Variants in SMIM36 observed in about 807,000 individuals in gnomAD.
The protein encoded by SMIM36 is small integral membrane protein 36.
intron 1 of SMIM36, among the ~76,000 whole-genome samples, chr17:55,484,880 G>A (rs1909578973): frequency 1.3e-5 from 2 of 152,228 alleles, no homozygotes; most frequent in African/African-American, 4.8e-5. Flanking sequence ...GCAAAGGCAA[G>A]AAAGCTTGTT....
At chr17:55,515,100 T>G (rs1910249796), upstream of SMIM36, among the ~76,000 whole-genome samples, 1 of 139,604 alleles carries the variant, frequency 7.2e-6, no homozygotes, top group Non-Finnish European at 1.5e-5. Flanking sequence ...TTTTTTTTTT[T>G]TTTTTTTTTT....
At chr17:55,513,195 TA>T (rs1424605987), upstream of SMIM36, among the ~76,000 whole-genome samples, 1 of 152,190 alleles carries the variant, frequency 6.6e-6, no homozygotes, top group Non-Finnish European at 1.5e-5. Flanking sequence ...TCTGTATTAA[TA>T]AAAATCTTCA....
At chr17:55,454,074 C>A (rs1908973423) in intron 4 of SMIM36, 1 of 152,194 alleles carries the variant, frequency 6.6e-6, no homozygotes, top group African/African-American at 2.4e-5. Flanking sequence ...AGCTGACCAC[C>A]AGTGTCAGCT....
intron 1 of SMIM36, among the ~76,000 whole-genome samples, chr17:55,494,526 C>G (rs561945082): frequency 2.6e-5 from 4 of 152,212 alleles, no homozygotes; most frequent in Admixed American, 2.6e-4. Flanking sequence ...CATAGACAAA[C>G]TCCAAGGTGA....
At chr17:55,526,257 C>T in the SMIM36 span, among the ~76,000 whole-genome samples, 1 of 152,172 alleles carries the variant, frequency 6.6e-6, no homozygotes, top group Non-Finnish European at 1.5e-5. Flanking sequence ...GATCCTCTCA[C>T]CTCAGCCTCC....
At chr17:55,496,981 G>A (rs1466917098) in intron 1 of SMIM36, among the ~76,000 whole-genome samples, 1 of 152,196 alleles carries the variant, frequency 6.6e-6, no homozygotes, top group Non-Finnish European at 1.5e-5. Context: ...ATTAAATGAG[G>A]TGTCTGGCAT....
intron 4 of SMIM36, among the ~76,000 whole-genome samples, chr17:55,453,098 C>T (rs1490220254): frequency 2.6e-5 from 4 of 152,088 alleles, no homozygotes; most frequent in Admixed American, 6.6e-5. Flanking sequence ...TCACTTGAGC[C>T]CAGGAGTTCA....
chr17:55,469,424 T>C (rs1909302834), intron 3 of SMIM36, among the ~76,000 whole-genome samples: 1 of 152,138 alleles, frequency 6.6e-6, no homozygotes, highest in Non-Finnish European at 1.5e-5. Flanking sequence ...GCAACAACCC[T>C]TAGGTGCTTT....
At chr17:55,529,799 A>G in the SMIM36 span, among the ~76,000 whole-genome samples, 1 of 151,556 alleles carries the variant, frequency 6.6e-6, no homozygotes, top group Admixed American at 6.5e-5. Context: ...CGAAAAACAA[A>G]CAAACAAAAA....
rs912145430 is a variant in SMIM36 at position 55,508,740 on chromosome 17, T to C, written c.*174+2139A>G. On this transcript the variant is annotated intron_variant, in intron 1 of 4. Coordinates refer to ENST00000636752, the Ensembl canonical transcript of SMIM36. ...GAGTTCGAGACCAGCCTGGCTAACA[T>C]GGTGAAACCCCGTGTCTACTAAAAA... Among the ~76,000 whole-genome samples the C allele has an allele frequency of 5.3e-5, 8 of 151,860 alleles. No individual in the cohort carries two copies. The East Asian group carries it at 1.5e-3, about 29-fold the overall frequency.
At chr17:55,458,002 A>G (rs1348329692) in intron 4 of SMIM36, among the ~76,000 whole-genome samples, 5 of 152,256 alleles carry the variant, frequency 3.3e-5, no homozygotes, top group African/African-American at 1.2e-4. Flanking sequence ...TCATGCGAGT[A>G]TGTGCTCTCC....
chr17:55,513,105 A>G (rs1036126915), upstream of SMIM36, among the ~76,000 whole-genome samples: 3 of 152,168 alleles, frequency 2.0e-5, no homozygotes, highest in Non-Finnish European at 4.4e-5. Flanking sequence ...ATTGGAATCT[A>G]TTGGGTCTCT....
chr17:55,527,591 G>A, the SMIM36 span: 1 of 152,216 alleles, frequency 6.6e-6, no homozygotes, highest in Non-Finnish European at 1.5e-5. Flanking sequence ...GCATGAGGGT[G>A]ACACTATAGG....
chr17:55,489,144 G>A (rs7211150), intron 1 of SMIM36, among the ~76,000 whole-genome samples: 37,851 of 152,032 alleles, frequency 0.25, 5,119 homozygotes, highest in Non-Finnish European at 0.28. Flanking sequence ...TTGGGAGTCC[G>A]AGGCAGGCAA....
In SMIM36 at chr17:55,490,016, ATT is replaced by A. The variant is rs58463133; in HGVS notation, c.*175-10438_*175-10437del. Reference sequence around the variant, plus strand: ...GGCGCCTGCCACTGCGCCTGGCAATATTTTTTTTTTTTGTATTTTTTGTAGAG... The same window carrying A: ...GGCGCCTGCCACTGCGCCTGGCAATATTTTTTTTTTGTATTTTTTGTAGAG... On this transcript the variant is annotated intron_variant, in intron 1 of 4. Transcript: ENST00000636752. Among the ~76,000 whole-genome samples the A allele has an allele frequency of 1.1e-4, 16 of 145,472 alleles. No homozygotes were observed. The South Asian group carries it at 1.3e-3, about 12-fold the overall frequency.
intron 1 of SMIM36, among the ~76,000 whole-genome samples, chr17:55,502,296 AG>A (rs1330406371): frequency 2.1e-5 from 3 of 143,008 alleles, no homozygotes; most frequent in African/African-American, 8.0e-5. Flanking sequence ...AAAAGACAGC[AG>A]TAACCTCTGC....
chr17:55,502,478 C>A (rs911571372), intron 1 of SMIM36, among the ~76,000 whole-genome samples: 11 of 108,302 alleles, frequency 1.0e-4, no homozygotes, highest in Admixed American at 8.5e-5. Context: ...ACACCTCACA[C>A]GGCAGGGTAT....
chr17:55,494,099 A>C (rs1021615489), intron 1 of SMIM36, among the ~76,000 whole-genome samples: 5 of 152,122 alleles, frequency 3.3e-5, no homozygotes, highest in African/African-American at 9.7e-5. Flanking sequence ...CTTATGCTAC[A>C]ATGGATGTAA....
intron 4 of SMIM36, among the ~76,000 whole-genome samples, chr17:55,455,899 T>C (rs1425174282): frequency 5.9e-5 from 9 of 151,656 alleles, no homozygotes; most frequent in African/African-American, 2.2e-4. Context: ...ACATGGATCA[T>C]TTGAGGTCAA....
Sources: gnomAD v4.1 joint callset for allele counts (sites outside exome capture counted in the v4.1 genomes callset) on GRCh38, gnomAD v4.1.1 for gene constraint, MANE v1.5 for transcripts, NCBI Gene and HGNC (gene_info 2026-07-23, HGNC 2026-07-21) for gene names.